The following MCF2L variants were observed in gnomAD, a reference collection of about 807,000 sequenced individuals.
MCF2L encodes the protein guanine nucleotide exchange factor DBS.
A neutral mutation model predicts 153.4 loss-of-function variants in MCF2L; 97 were observed. The observed-to-expected ratio is 0.63, with a 90% CI of 0.54 to 0.75. The LOEUF is 0.75. Ranked by LOEUF, MCF2L falls within the 30% of genes least tolerant of loss-of-function variation. The probability of loss-of-function intolerance (pLI) is 0.00; values close to 1 mark genes in which losing one functional copy is unlikely to be tolerated. For synonymous variants in MCF2L, 659 were observed against 632.2 expected (o/e 1.04, Z -0.64); for missense variants, 1,347 against 1,495.2 (o/e 0.90, Z 1.64).
intron 4 of MCF2L, among the ~76,000 whole-genome samples, chr13:113,047,734 G>A (rs149966173): frequency 0.011 from 1,662 of 152,338 alleles, 17 homozygotes; most frequent in Non-Finnish European, 0.017. Context: ...GCCACAGCCC[G>A]TCCCTCACAC....
intron 1 of MCF2L, among the ~76,000 whole-genome samples, chr13:113,013,838 C>T (rs756842108): frequency 5.9e-5 from 9 of 152,228 alleles, no homozygotes; most frequent in Non-Finnish European, 1.2e-4. Context: ...GCCTGGCAGC[C>T]GCTCTGTAGC....
chr13:112,900,404 T>C (rs898116479), intron 1 of MCF2L, among the ~76,000 whole-genome samples: 50 of 152,184 alleles, frequency 3.3e-4, no homozygotes, highest in African/African-American at 1.2e-3. Flanking sequence ...CGTGGCAGGC[T>C]CTGCAAGTCA....
chr13:112,913,207 CTG>C (rs573448666), intron 2 of MCF2L, among the ~76,000 whole-genome samples: 99 of 140,622 alleles, frequency 7.0e-4, no homozygotes, highest in East Asian at 2.4e-3. Context: ...TGGTGTATCT[CTG>C]TATGTATGGG....
In MCF2L at chr13:113,045,335, G is replaced by C. The variant is rs773087124; in HGVS notation, c.343G>C (p.Val115Leu). The C allele has an allele frequency of 1.9e-6, 3 of 1,614,050 alleles. No homozygotes were observed. In the Admixed American group the frequency reaches 5.0e-5, roughly 27 times the overall value. The change falls in exon 4 of 30, where the codon GTG (valine) becomes CTG (leucine). Residue 115 changes from valine to leucine, a missense_variant. Val to Leu is a conservative substitution (Grantham distance 32). Transcript: ENST00000535094. The surrounding 1 kb of genome is among the most constrained non-coding windows in gnomAD (Gnocchi z 4.2). Reference protein sequence around the residue: ...IDRRRDKWTSVKASVLRIAAS... With the variant: ...IDRRRDKWTSLKASVLRIAAS... ...CCGGCGACGGGACAAATGGACCTCC[G>C]TGAAGGCGTCCGTCCTGCGCATCGC...
chr13:113,043,395 A>T (rs565136182), intron 3 of MCF2L: 1 of 152,288 alleles, frequency 6.6e-6, no homozygotes, highest in East Asian at 1.9e-4. Flanking sequence ...ACTGGGACCC[A>T]GAGAGCTCCG....
chr13:113,095,663 C>T (rs761743111), intron 27 of MCF2L: 11 of 991,080 alleles, frequency 1.1e-5, no homozygotes, highest in East Asian at 1.1e-4. Context: ...CAGGCCATCA[C>T]GTGAGGGCAG....
At chr13:112,900,173 G>C (rs756930924) in intron 1 of MCF2L, among the ~76,000 whole-genome samples, 3 of 152,178 alleles carry the variant, frequency 2.0e-5, no homozygotes, top group Non-Finnish European at 4.4e-5. Flanking sequence ...TTTTGCTTTT[G>C]TTTTTTTAAC....
Position 112,907,181 on chromosome 13 carries a change from G to C in MCF2L, c.169+4810G>C, listed in dbSNP as rs1190495232. ...CACCTGGGGGCACGCGGGAGGGTTG[G>C]GAAGCACTTCGGGAAGGACCAAGAC... On this transcript the variant is annotated intron_variant, in intron 2 of 29. Transcript: ENST00000375608. The surrounding 1 kb of genome is among the most constrained non-coding windows in gnomAD (Gnocchi z 5.1). Among the ~76,000 whole-genome samples the C allele has an allele frequency of 6.6e-6, 1 of 152,152 alleles. No homozygotes were observed. The highest frequency in any genetic ancestry group is 1.5e-5 in the Non-Finnish European group (1 of 68,034).
In MCF2L at chr13:113,088,369, C is replaced by T. The variant is rs867793427; in HGVS notation, c.2731C>T (p.Arg911Trp). ...TAAAGCCGCGTGGGTGAATGAAATT[C>T]GGAAAGTGCTGACCAGCCAGCTGCA... Reference protein sequence around the residue: ...EIKAAWVNEIRKVLTSQLQAC... With the variant: ...EIKAAWVNEIWKVLTSQLQAC... Residue 911 changes from arginine to tryptophan, a missense_variant, in exon 24 of 30, where the codon CGG (arginine) becomes TGG (tryptophan). By Grantham distance (101) the Arg-to-Trp change is moderately radical. This residue lies in a region of MCF2L where 383 missense variants were observed against 335.4 expected (regional missense o/e 1.14). Transcript: ENST00000535094. 1.7e-5 allele frequency: 28 copies of T among 1,613,890 alleles called. No individual in the cohort carries two copies. The highest frequency in any genetic ancestry group is 2.2e-5 in the East Asian group (1 of 44,896).
chr13:113,012,709 T>C (rs1436626148), intron 1 of MCF2L, among the ~76,000 whole-genome samples: 24 of 90,434 alleles, frequency 2.7e-4, no homozygotes, highest in African/African-American at 9.2e-4. Context: ...GGTGGACAGG[T>C]GGTGTGGACG....
chr13:113,082,768 G>A (rs2034272356), intron 17 of MCF2L, among the ~76,000 whole-genome samples: 1 of 152,150 alleles, frequency 6.6e-6, no homozygotes, highest in Non-Finnish European at 1.5e-5. Flanking sequence ...CAGCCAAGTT[G>A]TAAGTGAGCC....
intron 9 of MCF2L, among the ~76,000 whole-genome samples, chr13:113,073,185 C>T (rs1024831303): frequency 1.3e-5 from 2 of 152,140 alleles, no homozygotes; most frequent in African/African-American, 2.4e-5. Context: ...AGAACATACT[C>T]TGTATGATTT....
chr13:112,974,272 T>C (rs1566675613), intron 1 of MCF2L, among the ~76,000 whole-genome samples: 1 of 152,154 alleles, frequency 6.6e-6, no homozygotes, highest in Non-Finnish European at 1.5e-5. Flanking sequence ...CGGGCATGGC[T>C]AACCTCTGAG....
intron 5 of MCF2L, chr13:113,063,996 G>T: frequency 2.4e-6 from 1 of 423,202 alleles, no homozygotes; most frequent in Non-Finnish European, 4.6e-6. Context: ...CACGTCTGTG[G>T]TCACAAAGCC....
chr13:112,996,943 C>T (rs2083160822), intron 1 of MCF2L, among the ~76,000 whole-genome samples: 1 of 152,254 alleles, frequency 6.6e-6, no homozygotes. Flanking sequence ...CGCACCCTGG[C>T]AGCTGCTGGG....
chr13:112,994,428 C>G (rs4907573), intron 1 of MCF2L, among the ~76,000 whole-genome samples: 34,868 of 152,152 alleles, frequency 0.23, 4,301 homozygotes, highest in Middle Eastern at 0.28. Flanking sequence ...CGGGCAGGGG[C>G]TGGCAGGGCT....
In MCF2L at chr13:113,047,556, C is replaced by T. The variant is rs539410416; in HGVS notation, c.369+2195C>T. ...AAACAACAGACAACACCGTTACAGCCGCATCTTTTATGCTTACCTGCCGCT... is the reference window on the plus strand; with the variant it reads ...AAACAACAGACAACACCGTTACAGCTGCATCTTTTATGCTTACCTGCCGCT... On this transcript the variant is annotated intron_variant, in intron 4 of 29. Transcript: ENST00000535094. 2.7e-4 allele frequency among the ~76,000 whole-genome samples: 41 copies of T among 152,366 alleles called. No individual in the cohort carries two copies. The South Asian group carries it at 7.7e-3, about 28-fold the overall frequency.
Position 112,941,049 on chromosome 13 carries a change from A to T in MCF2L, c.169+38678A>T, listed in dbSNP as rs193066963. Among the ~76,000 whole-genome samples, 137 of 152,318 alleles carry T rather than the reference A, an allele frequency of 9.0e-4. 1 individual carries two copies. Among genetic ancestry groups the T allele is most frequent in the Non-Finnish European group, 1.6e-3 (112 of 68,026 alleles). On this transcript the variant is annotated intron_variant, in intron 2 of 29. Coordinates refer to the MCF2L transcript ENST00000375608. The surrounding 1 kb of genome is among the most constrained non-coding windows in gnomAD (Gnocchi z 4.9). The stretch of plus-strand genomic sequence containing the variant: ...GCTCTGGATGTGAAATCCACCTAGC[A>T]GCCCCGCTGCATCTGGCACCACCAT...
intron 1 of MCF2L, among the ~76,000 whole-genome samples, chr13:112,898,342 G>GGGGCGTGAGGT (rs2081087672): frequency 1.3e-5 from 2 of 152,192 alleles, no homozygotes; most frequent in South Asian, 4.1e-4. Context: ...AGCTGGTTGC[G>GGGGCGTGAGGT]GGGCGTGAGG....
Sources: gnomAD v4.1 joint callset for allele counts (sites outside exome capture counted in the v4.1 genomes callset) on GRCh38, gnomAD v4.1.1 for gene constraint, gnomAD v4.1.1 regional missense constraint, Gnocchi (gnomAD v3.1) non-coding constraint, MANE v1.5 for transcripts, NCBI Gene and HGNC (gene_info 2026-07-23, HGNC 2026-07-21) for gene names.